Variants in CARD9 observed in about 807,000 individuals in gnomAD.
CARD9 encodes caspase recruitment domain family member 9.
A neutral mutation model predicts 66.0 loss-of-function variants in CARD9; 53 were observed. The observed-to-expected ratio is 0.80, with a 90% CI of 0.64 to 1.01. CARD9 has a LOEUF of 1.01. CARD9 is among the 50% of genes least tolerant of loss of function. The pLI, the probability that CARD9 is intolerant of heterozygous loss-of-function variation, is 0.00. For synonymous variants in CARD9, 387 were observed against 313.8 expected (o/e 1.23, Z -2.47); for missense variants, 769 against 743.2 (o/e 1.03, Z -0.40).
At chr9:136,365,446 G>T in intron 10 of CARD9, 1 of 577,056 alleles carries the variant, frequency 1.7e-6, no homozygotes, top group Non-Finnish European at 3.1e-6. Flanking sequence ...CAGGCCCAAC[G>T]CTCCCGCCAG....
intron 2 of CARD9, among the ~76,000 whole-genome samples, 169 bp from the exon 3 acceptor site, chr9:136,371,630 AG>A (rs1179254851): frequency 6.6e-6 from 1 of 152,018 alleles, no homozygotes; most frequent in Non-Finnish European, 1.5e-5. Flanking sequence ...CTGGGGACCA[AG>A]TGCTGCCCAC....
intron 7 of CARD9, among the ~76,000 whole-genome samples, chr9:136,369,111 C>T (rs945385137): frequency 6.6e-5 from 10 of 152,258 alleles, no homozygotes; most frequent in East Asian, 3.9e-4. Flanking sequence ...TGAGCCACCG[C>T]GCCAGGCCAA....
intron 11 of CARD9, chr9:136,364,821 C>G (rs1249479772): frequency 1.7e-6 from 1 of 598,746 alleles, no homozygotes; most frequent in Admixed American, 3.0e-5. Context: ...GCCATTGTTT[C>G]TACAACAAAG....
At position 136,370,581 on chromosome 9, in the gene CARD9, G is replaced by C; in HGVS notation, c.748C>G (p.Leu250Val). Residue 250 changes from leucine (L) to valine (V), a missense_variant, in exon 5 of 13, where the codon CTG becomes GTG. Physicochemically the swap from Leu to Val is conservative, Grantham distance 32. Coordinates refer to ENST00000371732, the MANE Select transcript of CARD9 (RefSeq NM_052813.5). ...QRPSQELLWE[L>V]QQEKALLQAR... ...TGGAGCAGGGCCTTCTCCTGCTGCAGCTCCCACAGCAGCTCCTGGCTGGGC... is the reference window on the plus strand; with the variant it reads ...TGGAGCAGGGCCTTCTCCTGCTGCACCTCCCACAGCAGCTCCTGGCTGGGC... 6.2e-7 allele frequency: 1 copy of C among 1,611,998 alleles called. No individual in the cohort carries two copies. The highest frequency in any genetic ancestry group is 8.5e-7 in the Non-Finnish European group (1 of 1,179,700).
rs570529040 is a variant in CARD9, at chr9:136,364,579, C to T, written c.1435-20G>A. 13 of 1,534,318 alleles carry T rather than the reference C, an allele frequency of 8.5e-6. No homozygotes were observed. The East Asian group carries it at 2.4e-4, about 29-fold the overall frequency. On this transcript the variant is annotated intron_variant, in intron 11 of 12. Transcript: ENST00000371732. Reference sequence around the variant, plus strand: ...TGCGTCCTGGAGAAGGGGGAAGGCTCGGGCTCCGGCCGGCTCCCCTGAGGG... The same window carrying T: ...TGCGTCCTGGAGAAGGGGGAAGGCTTGGGCTCCGGCCGGCTCCCCTGAGGG...
chr9:136,373,317 C>T (rs1237509411), intron 1 of CARD9, among the ~76,000 whole-genome samples: 1 of 152,242 alleles, frequency 6.6e-6, no homozygotes, highest in Non-Finnish European at 1.5e-5. Context: ...CCTGCTTCCC[C>T]AGCTTGAAAT....
chr9:136,364,737 G>A (rs1035959962), intron 11 of CARD9, 178 bp from the exon 12 acceptor site: 4 of 654,606 alleles, frequency 6.1e-6, no homozygotes, highest in South Asian at 1.9e-5. Context: ...GAGGTGAGCC[G>A]GTGTGGGTAG....
intron 12 of CARD9, 37 bp from the exon 13 acceptor site, chr9:136,364,438 C>CGCTCCCCA: frequency 6.5e-7 from 1 of 1,541,586 alleles, no homozygotes; most frequent in Non-Finnish European, 8.7e-7. Flanking sequence ...ACCCGGCTGC[C>CGCTCCCCA]GCTCCCCAGC....
chr9:136,366,909 GC>G, intron 9 of CARD9, 64 bp from the exon 10 acceptor site: 1 of 1,564,092 alleles, frequency 6.4e-7, no homozygotes, highest in Non-Finnish European at 8.8e-7. Flanking sequence ...CGGCCACACT[GC>G]CCACCCCAGC....
chr9:136,372,659 T>A (rs1564370659), intron 1 of CARD9, among the ~76,000 whole-genome samples: 1 of 152,226 alleles, frequency 6.6e-6, no homozygotes, highest in Non-Finnish European at 1.5e-5. Flanking sequence ...GACCGACGCC[T>A]GCTCACATCC....
In CARD9 at chr9:136,373,527, C is replaced by G; in HGVS notation, c.-17+5G>C. On this transcript the variant is annotated splice_donor_5th_base_variant and intron_variant, in intron 1 of 12. Coordinates refer to ENST00000371732, the MANE Select transcript of CARD9 (RefSeq NM_052813.5). ...CACCTTTCAGAAAGCACCAGACCCA[C>G]CCACCTGAGGGTCTTCCAGGAGCCA... 1 of 985,770 alleles carries G rather than the reference C, an allele frequency of 1.0e-6. No individual in the cohort carries two copies. Among genetic ancestry groups the G allele is most frequent in the Non-Finnish European group, 1.2e-6 (1 of 830,110 alleles). 61.1% of individuals were successfully genotyped at this position (985,770 alleles called of 1,614,324 possible).
chr9:136,371,374 T>A lies in CARD9; in HGVS notation c.272A>T (p.Tyr91Phe). 1 of 1,600,816 alleles carries A rather than the reference T, an allele frequency of 6.2e-7. No individual in the cohort carries two copies. The highest frequency in any genetic ancestry group is 8.5e-7 in the Non-Finnish European group (1 of 1,174,098). ...ESLELYYPQL[Y>F]KKVTGKEPAR... ...CGGCTCCTTGCCTGTGACCTTCTTGTACAGCTGCGGGTAGTAGAGCTCCAG... is the reference window on the plus strand; with the variant it reads ...CGGCTCCTTGCCTGTGACCTTCTTGAACAGCTGCGGGTAGTAGAGCTCCAG... The change falls in exon 3 of 13, where the codon TAC becomes TTC. Residue 91 changes from tyrosine (Y) to phenylalanine (F), a missense_variant. Coordinates refer to ENST00000371732, the MANE Select transcript of CARD9 (RefSeq NM_052813.5).
chr9:136,370,045 G>A, intron 6 of CARD9, 170 bp from the exon 7 acceptor site: 1 of 1,427,142 alleles, frequency 7.0e-7, no homozygotes. Context: ...GACCGCGGCA[G>A]GACAGGGCCC....
chr9:136,368,102 C>A lies in CARD9; in HGVS notation c.1078-274G>T. Reference sequence around the variant, plus strand: ...TGTGCTATGTACCCCCACACGTGCACATTTGATAAATTTTGGACGCGGCTT... The same window carrying A: ...TGTGCTATGTACCCCCACACGTGCAAATTTGATAAATTTTGGACGCGGCTT... On this transcript the variant is annotated intron_variant, in intron 7 of 12. Transcript: ENST00000371732. 2.5e-6 allele frequency: 3 copies of A among 1,217,080 alleles called. No homozygotes were observed. In the South Asian group the frequency reaches 6.2e-5, roughly 25 times the overall value. The allele number at this position is 1,217,080 out of a possible 1,614,324, so 75.4% of individuals were successfully genotyped here. A position where few individuals can be genotyped will look rare whatever the true frequency, so the allele number is the denominator to read the frequency against.
At chr9:136,365,505 C>T in intron 10 of CARD9, 1 of 538,324 alleles carries the variant, frequency 1.9e-6, no homozygotes, top group Non-Finnish European at 3.4e-6. Context: ...GAACGCCTCC[C>T]AGACCTCGGG....
intron 6 of CARD9, 173 bp downstream of exon 6, chr9:136,370,119 TGG>T: frequency 7.0e-7 from 1 of 1,419,658 alleles, no homozygotes; most frequent in Non-Finnish European, 9.3e-7. Context: ...GCCTTTGCCA[TGG>T]GGGGCAGGCG....
chr9:136,367,119 C>T, intron 9 of CARD9, 97 bp downstream of exon 9: 3 of 1,391,172 alleles, frequency 2.2e-6, no homozygotes, highest in African/African-American at 1.4e-5. Context: ...CCGAGCAGGG[C>T]CATGTGACGG....
intron 9 of CARD9, 60 bp downstream of exon 9, chr9:136,367,156 G>C: frequency 6.4e-7 from 1 of 1,556,636 alleles, no homozygotes; most frequent in South Asian, 1.1e-5. Context: ...CCTGGTGGCA[G>C]CTCAGCCAGG....
intron 1 of CARD9, among the ~76,000 whole-genome samples, chr9:136,373,070 G>T (rs910551319): frequency 4.7e-4 from 72 of 152,234 alleles, no homozygotes; most frequent in Non-Finnish European, 7.5e-4. Context: ...GGCAAGGCTG[G>T]GAGCAGCCAC....
Sources: allele counts gnomAD v4.1 joint callset (sites outside exome capture counted in the v4.1 genomes callset), GRCh38; gene constraint gnomAD v4.1.1; transcripts MANE v1.5; gene names NCBI Gene and HGNC (gene_info 2026-07-23, HGNC 2026-07-21).